Variants in UBR2 observed in about 807,000 individuals in gnomAD.
The protein encoded by UBR2 is E3 ubiquitin-protein ligase UBR2.
Under a neutral mutation model 247.9 loss-of-function variants are expected in UBR2, and 92 were observed. The ratio of observed to expected loss-of-function variants is 0.37; its 90% CI spans 0.31 to 0.44. The LOEUF is 0.44. Ranked by LOEUF, UBR2 falls within the 20% of genes least tolerant of loss-of-function variation. The pLI is 1.00. For missense variants in UBR2, 1,613 were observed against 2,112.6 expected, an observed-to-expected ratio of 0.76 and a Z score of 4.64; for synonymous variants, 672 against 693.5, an observed-to-expected ratio of 0.97 and a Z score of 0.49.
chr6:42,651,120 G>A (rs968518272), intron 23 of UBR2, among the ~76,000 whole-genome samples: 1 of 151,912 alleles, frequency 6.6e-6, no homozygotes, highest in African/African-American at 2.4e-5. Context: ...TACTCAGGAG[G>A]CTGAGATAGG....
chr6:42,655,980 A>T (rs930500301), intron 26 of UBR2, among the ~76,000 whole-genome samples: 14 of 152,198 alleles, frequency 9.2e-5, no homozygotes, highest in African/African-American at 3.4e-4. Flanking sequence ...GAAAATAAAA[A>T]AAAATTATAG....
intron 2 of UBR2, 51 bp downstream of exon 2, chr6:42,574,044 T>C: frequency 6.9e-7 from 1 of 1,451,430 alleles, no homozygotes; most frequent in East Asian, 2.5e-5. Context: ...ATTTGACCTC[T>C]TTTTTTCCCT....
intron 42 of UBR2, 60 bp from the exon 43 acceptor site, chr6:42,682,995 A>G: frequency 6.7e-7 from 1 of 1,497,152 alleles, no homozygotes. Context: ...GAGGGGAAAA[A>G]ATTCTAGTTC....
intron 10 of UBR2, among the ~76,000 whole-genome samples, chr6:42,616,713 G>A (rs1582545905): frequency 6.6e-6 from 1 of 151,460 alleles, no homozygotes; most frequent in African/African-American, 2.4e-5. Context: ...AGCAGCATGT[G>A]CATAAGCTAA....
At chr6:42,615,913 C>CAA in intron 9 of UBR2, 89 bp from the exon 10 acceptor site, 2 of 1,024,502 alleles carry the variant, frequency 2.0e-6, no homozygotes, top group Non-Finnish European at 2.8e-6. Context: ...CAAAACAAAA[C>CAA]AAAAAAAACC....
At chr6:42,566,607 C>G (rs940356458) in intron 1 of UBR2, among the ~76,000 whole-genome samples, 5 of 152,192 alleles carry the variant, frequency 3.3e-5, no homozygotes, top group Admixed American at 2.6e-4. Flanking sequence ...AGGATGGTCT[C>G]GAACTCCTGA....
Position 42,689,754 on chromosome 6 carries a change from G to T in UBR2, c.5126+84G>T. On this transcript the variant is annotated intron_variant, in intron 46 of 46. Coordinates refer to ENST00000372901, the MANE Select transcript of UBR2 (RefSeq NM_001363705.2). This position sits in a 1 kb window ranked among gnomAD's most constrained non-coding sequence, Gnocchi z 4.0. ...GACGTCCTGAGGGTGGAGGGCTGAG[G>T]TGGTTCTGGAAGAGGTGGCTGTGTT... 1.6e-6 allele frequency: 2 copies of T among 1,262,276 alleles called. No individual in the cohort carries two copies. The highest frequency in any genetic ancestry group is 2.3e-6 in the Non-Finnish European group (2 of 865,418). 78.2% of individuals were successfully genotyped at this position (1,262,276 alleles called of 1,614,324 possible). A position where few individuals can be genotyped will look rare whatever the true frequency, so the allele number is the denominator to read the frequency against.
chr6:42,629,323 G>A (rs1368552481), intron 11 of UBR2, among the ~76,000 whole-genome samples: 1 of 151,678 alleles, frequency 6.6e-6, no homozygotes, highest in Non-Finnish European at 1.5e-5. Flanking sequence ...GGCTGATAGT[G>A]GTAATGCTTT....
At position 42,573,787 on chromosome 6, in the gene UBR2, C is replaced by T. The variant is rs781641112; in HGVS notation, c.132C>T (p.His44=). 5 of 1,611,824 alleles carry T rather than the reference C, an allele frequency of 3.1e-6. No individual in the cohort carries two copies. The highest frequency in any genetic ancestry group is 4.2e-6 in the Non-Finnish European group (5 of 1,178,822). The change falls in exon 2 of 47, where the codon CAC becomes CAT. Residue 44 remains histidine (H), a synonymous_variant. Coordinates refer to ENST00000372901, the MANE Select transcript of UBR2 (RefSeq NM_001363705.2). ...GAGAAGTGTACCAGCATTTAGCCCA[C>T]TATGTACCCAAAATCTACTGCAGGG... ...LTREVYQHLA[H]YVPKIYCRGP...
In UBR2 at chr6:42,614,189, A is replaced by T. The variant is rs1228974823; in HGVS notation, c.986-882A>T. 9.5e-4 allele frequency among the ~76,000 whole-genome samples: 34 copies of T among 35,828 alleles called. 2 individuals carry two copies. Among genetic ancestry groups the T allele is most frequent in the South Asian group, 4.6e-3 (4 of 866 alleles). 23.5% of individuals were successfully genotyped at this position (35,828 alleles called of 152,430 possible). On this transcript the variant is annotated intron_variant, in intron 8 of 46. Coordinates refer to ENST00000372901, the MANE Select transcript of UBR2 (RefSeq NM_001363705.2). The stretch of plus-strand genomic sequence containing the variant: ...AAGACTCTGTCTCCAAAAAAAAAAA[A>T]AAAAAAAAAAAAAAAACTATATATA...
intron 1 of UBR2, among the ~76,000 whole-genome samples, chr6:42,567,790 A>AT (rs1441335041): frequency 6.6e-6 from 1 of 152,120 alleles, no homozygotes; most frequent in Non-Finnish European, 1.5e-5. Context: ...AATCCCAGCT[A>AT]TTTGGGAGGC....
intron 2 of UBR2, among the ~76,000 whole-genome samples, chr6:42,579,598 C>T (rs2151907771): frequency 6.6e-6 from 1 of 152,324 alleles, no homozygotes; most frequent in South Asian, 2.1e-4. Flanking sequence ...TCATAACTCA[C>T]TGCAGCCTCC....
At chr6:42,667,549 C>T (rs1282009123) in intron 34 of UBR2, among the ~76,000 whole-genome samples, 1 of 122,760 alleles carries the variant, frequency 8.1e-6, no homozygotes, top group African/African-American at 3.1e-5. Flanking sequence ...ATACAAGTTG[C>T]GTATTAGAAT....
At position 42,689,914 on chromosome 6, in the gene UBR2, T is replaced by C. The variant is rs969408177; in HGVS notation, c.5126+244T>C. On this transcript the variant is annotated intron_variant, in intron 46 of 46. Transcript: ENST00000372901. This position sits in a 1 kb window ranked among gnomAD's most constrained non-coding sequence, Gnocchi z 4.0. ...ACAGAGTGCAACTTTATTCCATTTA[T>C]CACTCCAAAGAACTGTTTGAATTGC... is the stretch of plus-strand genomic sequence containing the variant. 1.3e-5 allele frequency among the ~76,000 whole-genome samples: 2 copies of C among 152,160 alleles called. No individual in the cohort carries two copies. The highest frequency in any genetic ancestry group is 4.8e-5 in the African/African-American group (2 of 41,430).
At chr6:42,564,467 T>C in intron 1 of UBR2, 70 bp downstream of exon 1, 1 of 1,523,788 alleles carries the variant, frequency 6.6e-7, no homozygotes, top group Non-Finnish European at 8.9e-7. Context: ...AACCGACTCC[T>C]GGACGTCCTG....
chr6:42,592,633 A>C (rs1310815916), intron 3 of UBR2, among the ~76,000 whole-genome samples: 1 of 152,186 alleles, frequency 6.6e-6, no homozygotes, highest in African/African-American at 2.4e-5. Context: ...GTTTGCTTTT[A>C]AGTCAGGGAC....
At chr6:42,653,629 TTTTTTG>T in intron 25 of UBR2, among the ~76,000 whole-genome samples, 1 of 143,148 alleles carries the variant, frequency 7.0e-6, no homozygotes, top group African/African-American at 2.6e-5. Context: ...TTTTTTTTTT[TTTTTTG>T]AGACAGTTTT....
intron 11 of UBR2, among the ~76,000 whole-genome samples, chr6:42,620,740 C>T (rs1038819458): frequency 4.6e-5 from 7 of 151,982 alleles, no homozygotes; most frequent in Non-Finnish European, 1.0e-4. Context: ...CGGGCATGAG[C>T]CACTGCACCC....
intron 4 of UBR2, among the ~76,000 whole-genome samples, chr6:42,597,707 AGTTCGAGACCAGCTTGGTCTCGAACAT>A (rs1793072672): frequency 6.6e-6 from 1 of 152,098 alleles, no homozygotes; most frequent in Non-Finnish European, 1.5e-5. Flanking sequence ...TGAGGTCAGG[AGTTCGAGACCAGCTTGGTCTCGAACAT>A]GGAGAAACCC....
Sources: allele counts gnomAD v4.1 joint callset (sites outside exome capture counted in the v4.1 genomes callset), GRCh38; gene constraint gnomAD v4.1.1; non-coding constraint Gnocchi (gnomAD v3.1); transcripts MANE v1.5; gene names NCBI Gene and HGNC (gene_info 2026-07-23, HGNC 2026-07-21).